Variants in FLT4 observed in about 807,000 individuals in gnomAD.
FLT4 encodes the protein fms related receptor tyrosine kinase 4.
FLT4 carries 30 observed loss-of-function variants against 163.2 expected under a neutral mutation model. The ratio of observed to expected loss-of-function variants is 0.18; its 90% confidence interval spans 0.14 to 0.25. The LOEUF is 0.25. FLT4 is among the 10% of genes least tolerant of loss of function. The pLI is 1.00. For missense variants in FLT4, 1,510 were observed against 1,863.8 expected, an observed-to-expected ratio of 0.81 and a Z score of 3.50; for synonymous variants, 884 against 789.5, an observed-to-expected ratio of 1.12 and a Z score of -2.01.
intron 24 of FLT4, 100 bp downstream of exon 24, chr5:180,613,968 C>A (rs1762415438): frequency 7.0e-6 from 6 of 855,290 alleles, no homozygotes; most frequent in Admixed American, 1.8e-5. Context: ...CTGGCACACA[C>A]CTCCAGGTGC....
At position 180,602,928 on chromosome 5, in the gene FLT4, G is replaced by A. The variant is rs956252324; in HGVS notation, c.*264C>T. 1.7e-6 allele frequency: 1 copy of A among 592,478 alleles called. No individual in the cohort carries two copies. The highest frequency in any genetic ancestry group is 3.0e-5 in the Admixed American group (1 of 33,618). The allele number at this position is 592,478 out of a possible 1,614,324, so 36.7% of individuals were successfully genotyped here. A position where few individuals can be genotyped will look rare whatever the true frequency, so the allele number is the denominator to read the frequency against. The stretch of plus-strand genomic sequence containing the variant: ...TGCTGGCCCCGGGACCAGCACCTGC[G>A]GATGCTGAACTAAATGACATCTGAA... On this transcript the variant is annotated 3_prime_UTR_variant, in exon 30 of 30. Transcript: ENST00000261937.
Position 180,608,967 on chromosome 5 carries a change from C to A in FLT4, c.3893+1G>T. 1.2e-6 allele frequency: 2 copies of A among 1,613,780 alleles called. No homozygotes were observed. The highest frequency in any genetic ancestry group is 1.7e-6 in the Non-Finnish European group (2 of 1,179,658). On this transcript the variant is annotated splice_donor_variant, in intron 29 of 29. Coordinates refer to ENST00000261937, the MANE Select transcript of FLT4 (RefSeq NM_182925.5). LOFTEE classifies it high-confidence loss of function. Reference sequence around the variant, plus strand: ...GTGCAGGAGGCTCACGAAGCCCTTACCTGAAGCCGCTTTCTTGTCTATGCC... The same window carrying A: ...GTGCAGGAGGCTCACGAAGCCCTTAACTGAAGCCGCTTTCTTGTCTATGCC...
At chr5:180,610,651 C>T (rs1762104745) in intron 27 of FLT4, among the ~76,000 whole-genome samples, 1 of 152,212 alleles carries the variant, frequency 6.6e-6, no homozygotes, top group Non-Finnish European at 1.5e-5. Context: ...GAGTCCTTCC[C>T]TGCTCCCAGG....
At chr5:180,644,649 G>A (rs555760437) in intron 1 of FLT4, among the ~76,000 whole-genome samples, 16 of 152,364 alleles carry the variant, frequency 1.1e-4, no homozygotes, top group African/African-American at 2.2e-4. Context: ...TAAGGTCTGC[G>A]TGACGAGGTT....
chr5:180,640,498 G>A (rs1765023174), intron 1 of FLT4, among the ~76,000 whole-genome samples: 1 of 152,254 alleles, frequency 6.6e-6, no homozygotes, highest in Non-Finnish European at 1.5e-5. Flanking sequence ...CCACGTAGGA[G>A]GCACATGGCT....
chr5:180,619,307 T>C lies in FLT4; in HGVS notation c.2707A>G (p.Ile903Val), dbSNP rs745758689. 6.2e-7 allele frequency: 1 copy of C among 1,611,112 alleles called. No individual in the cohort carries two copies. The highest frequency in any genetic ancestry group is 1.7e-5 in the Admixed American group (1 of 59,990). Residue 903 changes from isoleucine to valine, a missense_variant, in exon 19 of 30, where the codon ATC becomes GTC. Physicochemically the swap from Ile to Val is conservative, Grantham distance 29. Transcript: ENST00000261937. ...LMSELKILIH[I>V]GNHLNVVNLL... ...TTGACCACGTTGAGGTGGTTGCCGA[T>C]GTGAATGAGGATCTTGAGCTCCGAC...
At chr5:180,607,513 T>C (rs13165395) in intron 29 of FLT4, among the ~76,000 whole-genome samples, 45,106 of 150,756 alleles carry the variant, frequency 0.3, 6,924 homozygotes, top group Middle Eastern at 0.38. Context: ...TGGTGGCGGG[T>C]GCCTGTAGTC....
rs753669084 is a variant in FLT4 at position 180,620,658 on chromosome 5, G to A, written c.2357C>T (p.Ala786Val). The change falls in exon 16 of 30, where the codon GCT becomes GTT. Residue 786 changes from alanine to valine, a missense_variant. Around this residue, in one of 5 missense-constraint regions of FLT4, gnomAD observed 878 missense variants for 1,016.7 expected, o/e 0.86. Coordinates refer to ENST00000261937, the MANE Select transcript of FLT4 (RefSeq NM_182925.5). The surrounding 1 kb of genome is among the most constrained non-coding windows in gnomAD (Gnocchi z 4.4). ...IVILVGTGVI[A>V]VFFWVLLLLI... ...GAGGAGGAGGACCCAGAAGAAGACA[G>A]CGATGACGCCGGTACCGACAAGGAT... is the stretch of plus-strand genomic sequence containing the variant. The A allele has an allele frequency of 2.5e-6, 4 of 1,613,562 alleles. No homozygotes were observed. The South Asian group carries it at 4.4e-5, about 18-fold the overall frequency.
intron 29 of FLT4, 128 bp downstream of exon 29, chr5:180,608,840 G>A (rs577633066): frequency 4.5e-5 from 37 of 817,702 alleles, no homozygotes; most frequent in Admixed American, 1.6e-4. Flanking sequence ...CCTTGAACGC[G>A]CGAAAAGGCC....
chr5:180,616,653 G>A (rs1762715193), intron 22 of FLT4, among the ~76,000 whole-genome samples, 164 bp from the exon 23 acceptor site: 1 of 152,204 alleles, frequency 6.6e-6, no homozygotes, highest in South Asian at 2.1e-4. Flanking sequence ...ACTCATCATG[G>A]AGAGAGCTTG....
intron 27 of FLT4, 148 bp from the exon 28 acceptor site, chr5:180,610,173 A>AG: frequency 9.1e-7 from 1 of 1,102,934 alleles, no homozygotes; most frequent in East Asian, 2.6e-5. Context: ...GAGTGCTGGC[A>AG]GGGGCTCCTC....
intron 1 of FLT4, among the ~76,000 whole-genome samples, chr5:180,645,142 C>G (rs1214599500): frequency 1.3e-5 from 2 of 152,140 alleles, no homozygotes; most frequent in Non-Finnish European, 1.5e-5. Context: ...TTGGGGGGGG[C>G]CCTGAAGGCT....
In FLT4 at chr5:180,604,721, T is replaced by A. The variant is rs574872521; in HGVS notation, c.3894-1331A>T. ...TTGACTTCTTGTTTGGTGCTTTGCA[T>A]GGTGCTACTGAAAACTCTTGACTGT... On this transcript the variant is annotated intron_variant, in intron 29 of 29. Coordinates refer to ENST00000261937, the MANE Select transcript of FLT4 (RefSeq NM_182925.5). 5.9e-5 allele frequency among the ~76,000 whole-genome samples: 9 copies of A among 152,390 alleles called. No individual in the cohort carries two copies. The South Asian group carries it at 1.0e-3, about 18-fold the overall frequency.
In FLT4 at chr5:180,613,017, G is replaced by T; in HGVS notation, c.3425C>A (p.Pro1142His). 6.2e-7 allele frequency: 1 copy of T among 1,611,542 alleles called. No homozygotes were observed. Among genetic ancestry groups the T allele is most frequent in the Non-Finnish European group, 8.5e-7 (1 of 1,178,276 alleles). Residue 1142 changes from proline to histidine, a missense_variant, in exon 25 of 30, where the codon CCC becomes CAC. This residue lies in a region of FLT4 where 295 missense variants were observed against 311.0 expected (regional missense o/e 0.95). Transcript: ENST00000261937. ...TRMRAPELAT[P>H]AIRRIMLNCW... Reference sequence around the variant, plus strand: ...GGGCCATGGGGAGGCTCACATGGCGGGAGTGGCCAGCTCCGGGGCCCTCAT... The same window carrying T: ...GGGCCATGGGGAGGCTCACATGGCGTGAGTGGCCAGCTCCGGGGCCCTCAT...
intron 28 of FLT4, chr5:180,609,275 C>T: frequency 1.7e-6 from 1 of 598,436 alleles, no homozygotes; most frequent in Admixed American, 2.6e-5. Context: ...CTGTGTGTGG[C>T]CCGTGGACGC....
intron 29 of FLT4, among the ~76,000 whole-genome samples, chr5:180,607,317 G>T (rs1449949204): frequency 6.6e-6 from 1 of 152,144 alleles, no homozygotes; most frequent in Non-Finnish European, 1.5e-5. Context: ...GCAAGAGACT[G>T]AAGGCACAAA....
chr5:180,647,378 C>T (rs1455176429), intron 1 of FLT4, among the ~76,000 whole-genome samples: 1 of 152,006 alleles, frequency 6.6e-6, no homozygotes, highest in East Asian at 1.9e-4. Context: ...ATGCTTGTGC[C>T]ATGGCTATGC....
At chr5:180,619,133 C>G in intron 19 of FLT4, 24 bp from the exon 20 acceptor site, 1 of 1,472,918 alleles carries the variant, frequency 6.8e-7, no homozygotes, top group South Asian at 1.3e-5. Flanking sequence ...GGGCGGCGGC[C>G]GTGCGTTCGG....
At chr5:180,639,955 C>T (rs190611335) in intron 1 of FLT4, among the ~76,000 whole-genome samples, 154 of 152,340 alleles carry the variant, frequency 1.0e-3, no homozygotes, top group Non-Finnish European at 1.7e-3. Flanking sequence ...CCTGCAGCAG[C>T]GTGGTTGGGG....
Sources: gnomAD v4.1 joint callset for allele counts (sites outside exome capture counted in the v4.1 genomes callset) on GRCh38, gnomAD v4.1.1 for gene constraint, gnomAD v4.1.1 regional missense constraint, Gnocchi (gnomAD v3.1) non-coding constraint, MANE v1.5 for transcripts, NCBI Gene and HGNC (gene_info 2026-07-23, HGNC 2026-07-21) for gene names.